SLC44A5: variants seen among roughly 807,000 people sequenced by gnomAD.
SLC44A5 encodes solute carrier family 44 member 5, also known as choline transporter-like protein 5.
SLC44A5 carries 57 observed loss-of-function variants against 101.8 expected under a neutral mutation model. The ratio of observed to expected loss-of-function variants is 0.56; its 90% CI spans 0.45 to 0.70. The LOEUF is 0.70. Ranked by LOEUF, SLC44A5 falls within the 30% of genes least tolerant of loss-of-function variation. SLC44A5 has a pLI of 0.00. For synonymous variants in SLC44A5, 281 were observed against 290.9 expected, an observed-to-expected ratio of 0.97 and a Z score of 0.35; for missense variants, 737 against 853.1, an observed-to-expected ratio of 0.86 and a Z score of 1.70.
intron 6 of SLC44A5, among the ~76,000 whole-genome samples, chr1:75,253,866 C>T (rs1259667661): frequency 2.0e-5 from 3 of 152,096 alleles, no homozygotes; most frequent in Non-Finnish European, 4.4e-5. Context: ...ATACTTGGCC[C>T]ACTCTAGACA....
chr1:75,424,862 G>C (rs929304440), intron 2 of SLC44A5, among the ~76,000 whole-genome samples: 3 of 152,062 alleles, frequency 2.0e-5, no homozygotes, highest in African/African-American at 7.2e-5. Context: ...AGAATTTAGT[G>C]AGCCAACTGT....
chr1:75,272,767 T>C (rs188287896), intron 6 of SLC44A5, among the ~76,000 whole-genome samples: 1 of 152,306 alleles, frequency 6.6e-6, no homozygotes, highest in Admixed American at 6.5e-5. Flanking sequence ...TTTATATCAG[T>C]ACCATGCTGT....
intron 2 of SLC44A5, among the ~76,000 whole-genome samples, chr1:75,460,416 C>G (rs1377335767): frequency 2.0e-5 from 3 of 152,134 alleles, no homozygotes; most frequent in Non-Finnish European, 4.4e-5. Context: ...AACATCTGCT[C>G]TAAAGATAAA....
At chr1:75,584,194 G>C (rs1364217071) in intron 1 of SLC44A5, among the ~76,000 whole-genome samples, 2 of 152,194 alleles carry the variant, frequency 1.3e-5, no homozygotes, top group Non-Finnish European at 2.9e-5. Context: ...CAGTGAAACT[G>C]TCCTTTTGAG....
chr1:75,450,379 T>C (rs1665836743), intron 2 of SLC44A5, among the ~76,000 whole-genome samples: 1 of 152,228 alleles, frequency 6.6e-6, no homozygotes, highest in Non-Finnish European at 1.5e-5. Flanking sequence ...CTAGATGTCA[T>C]TTTTAATCTG....
At chr1:75,667,367 C>T in the SLC44A5 span, among the ~76,000 whole-genome samples, 2 of 152,092 alleles carry the variant, frequency 1.3e-5, no homozygotes, top group African/African-American at 4.8e-5. Flanking sequence ...ATCCAACATA[C>T]AAGAGATGTG....
chr1:75,413,775 C>T (rs1220537908), intron 2 of SLC44A5, among the ~76,000 whole-genome samples: 1 of 152,164 alleles, frequency 6.6e-6, no homozygotes, highest in Non-Finnish European at 1.5e-5. Flanking sequence ...TCCAATGGCA[C>T]AGTTTTAAGA....
At position 75,242,836 on chromosome 1, in the gene SLC44A5, T is replaced by A. The variant is rs573106917; in HGVS notation, c.471+50A>T. ...CAAATTCTCACGTTACACTTGAGATTGAAAAAAAAAGTTAAATTGTTCTCT... is the reference window on the plus strand; with the variant it reads ...CAAATTCTCACGTTACACTTGAGATAGAAAAAAAAAGTTAAATTGTTCTCT... On this transcript the variant is annotated intron_variant, in intron 8 of 23. Transcript: ENST00000370859. The A allele has an allele frequency of 2.0e-4, 301 of 1,528,066 alleles. 3 individuals carry two copies. The South Asian group carries it at 3.7e-3, about 19-fold the overall frequency. 94.7% of individuals were successfully genotyped at this position (1,528,066 alleles called of 1,614,324 possible). A position where few individuals can be genotyped will look rare whatever the true frequency, so the allele number is the denominator to read the frequency against.
chr1:75,641,247 C>T, the SLC44A5 span: 1 of 444,304 alleles, frequency 2.3e-6, no homozygotes, highest in Non-Finnish European at 4.0e-6. Flanking sequence ...CCATCATAAT[C>T]TTACATGTTT....
At chr1:75,547,141 C>A (rs890542567) in intron 1 of SLC44A5, among the ~76,000 whole-genome samples, 3 of 152,024 alleles carry the variant, frequency 2.0e-5, no homozygotes, top group African/African-American at 7.2e-5. Flanking sequence ...GGGATAAGAC[C>A]ACACTGAAGA....
rs1646921855 is a variant in SLC44A5, at chr1:75,214,477, T to A, written c.1802+128A>T. The A allele has an allele frequency of 4.6e-6, 3 of 654,462 alleles. No homozygotes were observed. The South Asian group carries it at 8.4e-5, about 18-fold the overall frequency. The allele number at this position is 654,462 out of a possible 1,614,324, so 40.5% of individuals were successfully genotyped here. A position where few individuals can be genotyped will look rare whatever the true frequency, so the allele number is the denominator to read the frequency against. Reference sequence around the variant, plus strand: ...AATGGTATGAGAGAGAATATTTAAATCTATCAAGTTAAAAGATAATATTCA... The same window carrying A: ...AATGGTATGAGAGAGAATATTTAAAACTATCAAGTTAAAAGATAATATTCA... On this transcript the variant is annotated intron_variant, in intron 20 of 23. Coordinates refer to ENST00000370859, the MANE Select transcript of SLC44A5 (RefSeq NM_001130058.2).
intron 1 of SLC44A5, among the ~76,000 whole-genome samples, chr1:75,578,566 T>C (rs564714237): frequency 1.3e-5 from 2 of 152,292 alleles, no homozygotes; most frequent in African/African-American, 2.4e-5. Flanking sequence ...CTCATTTATA[T>C]GTGGAATCTA....
chr1:75,601,146 C>A (rs1674955172), intron 1 of SLC44A5, among the ~76,000 whole-genome samples: 1 of 152,096 alleles, frequency 6.6e-6, no homozygotes, highest in African/African-American at 2.4e-5. Context: ...GAAATTTATC[C>A]ATGAGATCCT....
the SLC44A5 span, among the ~76,000 whole-genome samples, chr1:75,658,839 T>G: frequency 6.6e-6 from 1 of 152,046 alleles, no homozygotes; most frequent in South Asian, 2.1e-4. Context: ...AAGGAAAATT[T>G]GGTTTTCTGA....
At chr1:75,583,907 G>A (rs1373745281) in intron 1 of SLC44A5, among the ~76,000 whole-genome samples, 3 of 152,182 alleles carry the variant, frequency 2.0e-5, no homozygotes, top group African/African-American at 7.2e-5. Context: ...ACCAGTTGGT[G>A]GTCCGGCCAA....
chr1:75,216,428 G>A (rs1204801245), intron 18 of SLC44A5, among the ~76,000 whole-genome samples: 1 of 151,764 alleles, frequency 6.6e-6, no homozygotes, highest in South Asian at 2.1e-4. Flanking sequence ...ATCTGTTTGA[G>A]TTCCTTCTTT....
intron 4 of SLC44A5, among the ~76,000 whole-genome samples, chr1:75,310,326 T>C (rs141644534): frequency 7.2e-4 from 110 of 152,320 alleles, no homozygotes; most frequent in Non-Finnish European, 5.3e-4. Flanking sequence ...TCTTAGCTTG[T>C]AGACATTTGT....
intron 1 of SLC44A5, among the ~76,000 whole-genome samples, chr1:75,543,199 C>A (rs1007465546): frequency 2.6e-5 from 4 of 152,102 alleles, no homozygotes; most frequent in Non-Finnish European, 5.9e-5. Context: ...CAACTAATTT[C>A]TTTTGTGTTG....
At chr1:75,384,827 T>A (rs1252566690) in intron 3 of SLC44A5, among the ~76,000 whole-genome samples, 11 of 149,868 alleles carry the variant, frequency 7.3e-5, no homozygotes, top group African/African-American at 2.2e-4. Context: ...CCTCAGCAAA[T>A]GTAAAAGAAC....
Sources: allele counts gnomAD v4.1 joint callset (sites outside exome capture counted in the v4.1 genomes callset), GRCh38; gene constraint gnomAD v4.1.1; transcripts MANE v1.5; gene names NCBI Gene and HGNC (gene_info 2026-07-23, HGNC 2026-07-21).